The following WDR17 variants were observed in gnomAD, a reference collection of about 807,000 sequenced individuals.
WDR17 encodes the protein WD repeat domain 17.
WDR17 carries 143 observed loss-of-function variants against 161.7 expected under a neutral mutation model. The ratio of observed to expected loss-of-function variants is 0.88; its 90% CI spans 0.77 to 1.02. WDR17 has a LOEUF of 1.02. Among genes scored for constraint, WDR17 ranks in the 50% least tolerant of loss-of-function variants. WDR17 has a pLI of 0.00. For missense variants in WDR17, 1,469 were observed against 1,520.9 expected, an observed-to-expected ratio of 0.97 and a Z score of 0.57; for synonymous variants, 517 against 515.6, an observed-to-expected ratio of 1.00 and a Z score of -0.04.
intron 11 of WDR17, among the ~76,000 whole-genome samples, chr4:176,145,420 G>A (rs1746008240): frequency 6.6e-6 from 1 of 152,174 alleles, no homozygotes; most frequent in Admixed American, 6.5e-5. Context: ...TCTTAAAGAA[G>A]GGAAGCCATC....
chr4:176,117,150 T>C (rs1740776682), intron 3 of WDR17, among the ~76,000 whole-genome samples: 1 of 151,996 alleles, frequency 6.6e-6, no homozygotes, highest in East Asian at 1.9e-4. Flanking sequence ...CTTAAGGCTT[T>C]CCATGAGAAA....
intron 5 of WDR17, 109 bp from the exon 6 acceptor site, chr4:176,128,629 T>C: frequency 9.5e-7 from 1 of 1,055,818 alleles, no homozygotes; most frequent in Non-Finnish European, 1.4e-6. Context: ...AGGATGTCAG[T>C]AATTAGTCCT....
intron 1 of WDR17, among the ~76,000 whole-genome samples, chr4:176,073,267 A>G (rs1196476228): frequency 3.3e-5 from 5 of 151,958 alleles, no homozygotes; most frequent in African/African-American, 4.8e-5. Flanking sequence ...CTCCCACCCT[A>G]CAACAGTCCC....
chr4:176,146,272 C>T, intron 12 of WDR17, 113 bp downstream of exon 12: 1 of 1,105,076 alleles, frequency 9.0e-7, no homozygotes, highest in South Asian at 2.3e-5. Flanking sequence ...CTCCCTCTGT[C>T]ACCCAGGCTG....
At chr4:176,160,315 T>G (rs1296522601) in intron 19 of WDR17, among the ~76,000 whole-genome samples, 189 bp downstream of exon 19, 3 of 152,160 alleles carry the variant, frequency 2.0e-5, no homozygotes, top group Non-Finnish European at 4.4e-5. Context: ...GCACTTATTT[T>G]ATTTTATTAT....
intron 10 of WDR17, 54 bp downstream of exon 10, chr4:176,140,028 A>G: frequency 1.4e-6 from 2 of 1,413,804 alleles, no homozygotes; most frequent in East Asian, 2.3e-5. Flanking sequence ...TAAAGCACTC[A>G]TTTGATCATT....
chr4:176,166,724 A>G (rs923800218), intron 22 of WDR17, among the ~76,000 whole-genome samples: 1 of 152,156 alleles, frequency 6.6e-6, no homozygotes, highest in African/African-American at 2.4e-5. Context: ...ACGTTATTTA[A>G]AACTATGAAA....
chr4:176,150,637 G>GCC, intron 16 of WDR17, 44 bp downstream of exon 16: 2 of 1,531,248 alleles, frequency 1.3e-6, no homozygotes, highest in Non-Finnish European at 1.7e-6. Flanking sequence ...CAAATTTTTT[G>GCC]CCTTTTCACT....
intron 8 of WDR17, among the ~76,000 whole-genome samples, chr4:176,136,549 A>G (rs1019259517): frequency 6.6e-6 from 1 of 151,700 alleles, no homozygotes; most frequent in African/African-American, 2.4e-5. Flanking sequence ...AAATGTTAGA[A>G]AATGGAAATT....
intron 1 of WDR17, among the ~76,000 whole-genome samples, chr4:176,093,934 A>G (rs916878088): frequency 1.3e-5 from 2 of 152,240 alleles, no homozygotes; most frequent in East Asian, 3.8e-4. Flanking sequence ...TGCAAATATA[A>G]TAAATAGTGC....
intron 25 of WDR17, 25 bp from the exon 26 acceptor site, chr4:176,174,592 T>TA: frequency 6.4e-7 from 1 of 1,551,382 alleles, no homozygotes; most frequent in South Asian, 1.2e-5. Flanking sequence ...GTGGAATTTA[T>TA]AAAAATAAAT....
intron 10 of WDR17, among the ~76,000 whole-genome samples, chr4:176,141,225 T>A (rs1012651093): frequency 2.0e-5 from 3 of 152,162 alleles, no homozygotes; most frequent in Non-Finnish European, 4.4e-5. Context: ...TGAATTTTAG[T>A]TATATTGCTG....
At chr4:176,125,068 A>G (rs775614577) in intron 4 of WDR17, 36 bp from the exon 5 acceptor site, 1 of 1,603,852 alleles carries the variant, frequency 6.2e-7, no homozygotes. Flanking sequence ...CTTTTCTGCA[A>G]GTTTTTTGGA....
intron 1 of WDR17, among the ~76,000 whole-genome samples, chr4:176,109,286 A>G (rs1360776010): frequency 6.6e-6 from 1 of 152,150 alleles, no homozygotes; most frequent in Non-Finnish European, 1.5e-5. Flanking sequence ...GAAATAATGT[A>G]CATTTTCAGC....
chr4:176,140,198 T>C (rs1240315575), intron 10 of WDR17, among the ~76,000 whole-genome samples: 1 of 152,094 alleles, frequency 6.6e-6, no homozygotes, highest in Non-Finnish European at 1.5e-5. Flanking sequence ...ATTCAATTGC[T>C]TTCTCAATGA....
At position 176,135,427 on chromosome 4, in the gene WDR17, G is replaced by A. The variant is rs1579150267; in HGVS notation, c.1267+151G>A. On this transcript the variant is annotated intron_variant, in intron 8 of 28. Coordinates refer to ENST00000508596, the MANE Select transcript of WDR17 (RefSeq NM_181265.4). ...GAACATATTTGTTGATTCTCTTTTT[G>A]CGAGGTTTAAGAAGAGTCTATCTGC... is the stretch of plus-strand genomic sequence containing the variant. The A allele has an allele frequency of 1.6e-5, 15 of 918,494 alleles. No individual in the cohort carries two copies. The East Asian group carries it at 4.0e-4, about 24-fold the overall frequency. 56.9% of individuals were successfully genotyped at this position (918,494 alleles called of 1,614,324 possible).
chr4:176,116,031 C>A, intron 3 of WDR17, 52 bp downstream of exon 3: 1 of 1,487,182 alleles, frequency 6.7e-7, no homozygotes, highest in Non-Finnish European at 9.1e-7. Context: ...TTTATTTCAA[C>A]AAGCACTATC....
intron 6 of WDR17, among the ~76,000 whole-genome samples, chr4:176,129,442 G>A (rs1012139352): frequency 4.0e-5 from 6 of 151,774 alleles, no homozygotes; most frequent in Admixed American, 6.6e-5. Context: ...TTTATAAAAA[G>A]GAAAAATCTG....
At chr4:176,153,430 G>A (rs1416187802) in intron 17 of WDR17, among the ~76,000 whole-genome samples, 1 of 152,166 alleles carries the variant, frequency 6.6e-6, no homozygotes, top group Non-Finnish European at 1.5e-5. Flanking sequence ...TTAGTAGATG[G>A]GTAGTGACTG....
Sources: gnomAD v4.1 joint callset for allele counts (sites outside exome capture counted in the v4.1 genomes callset) on GRCh38, gnomAD v4.1.1 for gene constraint, MANE v1.5 for transcripts, NCBI Gene and HGNC (gene_info 2026-07-23, HGNC 2026-07-21) for gene names.